The following OSBPL10 variants were observed in gnomAD, a reference collection of about 807,000 sequenced individuals.
OSBPL10 encodes oxysterol binding protein like 10, also known as oxysterol-binding protein-related protein 10.
OSBPL10 carries 49 observed loss-of-function variants against 81.7 expected under a neutral mutation model. That is an observed-to-expected ratio of 0.60 (90% CI 0.48 to 0.76). The LOEUF (loss-of-function observed/expected upper bound fraction) is 0.76, where lower values mean the gene tolerates loss of function less well. Ranked by LOEUF, OSBPL10 falls within the 30% of genes least tolerant of loss-of-function variation. The pLI is 0.00. For missense variants in OSBPL10, 923 were observed against 987.8 expected, an observed-to-expected ratio of 0.93 and a Z score of 0.88; for synonymous variants, 419 against 383.6, an observed-to-expected ratio of 1.09 and a Z score of -1.08.
chr3:31,715,992 A>C (rs1696420303), intron 6 of OSBPL10, among the ~76,000 whole-genome samples: 1 of 152,174 alleles, frequency 6.6e-6, no homozygotes, highest in African/African-American at 2.4e-5. Context: ...ACTCTACGGC[A>C]GGGACAGCAG....
chr3:31,760,842 C>T (rs1575527023), intron 4 of OSBPL10, among the ~76,000 whole-genome samples: 1 of 152,134 alleles, frequency 6.6e-6, no homozygotes. Context: ...TCCCTATGGC[C>T]GAACATTACG....
intron 6 of OSBPL10, among the ~76,000 whole-genome samples, chr3:31,724,326 C>T (rs1474582794): frequency 6.6e-6 from 1 of 152,108 alleles, no homozygotes; most frequent in Non-Finnish European, 1.5e-5. Flanking sequence ...TCCAAGGTGG[C>T]TACCTCCCCA....
intron 2 of OSBPL10, among the ~76,000 whole-genome samples, chr3:32,036,402 G>A (rs1462661084): frequency 6.6e-6 from 1 of 152,072 alleles, no homozygotes; most frequent in Non-Finnish European, 1.5e-5. Flanking sequence ...CATTCCAATT[G>A]CCACTGCCCA....
intron 2 of OSBPL10, among the ~76,000 whole-genome samples, chr3:32,010,731 T>A (rs1313380154): frequency 2.6e-5 from 4 of 152,198 alleles, no homozygotes; most frequent in Non-Finnish European, 5.9e-5. Flanking sequence ...GAAAATCAGG[T>A]CACTCCCACC....
chr3:31,767,870 G>C (rs1011874774), intron 4 of OSBPL10, among the ~76,000 whole-genome samples: 21 of 152,312 alleles, frequency 1.4e-4, no homozygotes, highest in African/African-American at 5.1e-4. Context: ...TTCAGCCTGG[G>C]AGGTCACATG....
chr3:32,042,561 C>A (rs927488017), intron 2 of OSBPL10, among the ~76,000 whole-genome samples: 2 of 151,890 alleles, frequency 1.3e-5, no homozygotes, highest in Admixed American at 6.6e-5. Context: ...GGGGAACCTG[C>A]CCCCAATATT....
chr3:31,888,920 T>A (rs192930928), intron 1 of OSBPL10, among the ~76,000 whole-genome samples: 1 of 152,146 alleles, frequency 6.6e-6, no homozygotes, highest in East Asian at 1.9e-4. Context: ...TGAGACTCCA[T>A]CTCAGGAAAA....
chr3:31,673,509 C>T lies in OSBPL10; in HGVS notation c.1727-2526G>A, dbSNP rs141021998. Among the ~76,000 whole-genome samples the T allele has an allele frequency of 5.4e-3, 818 of 152,302 alleles. 7 individuals are homozygous for T. The highest frequency in any genetic ancestry group is 0.019 in the African/African-American group (785 of 41,558). ...TCCTTGGGTGCCAGCTGTATCCCCA[C>T]AGACTTGGAGACTGTGGCAGCTGAG... On this transcript the variant is annotated intron_variant, in intron 8 of 11. Transcript: ENST00000396556.
Position 31,797,229 on chromosome 3 carries a change from G to A in OSBPL10, c.729+32811C>T, listed in dbSNP as rs139320966. On this transcript the variant is annotated intron_variant, in intron 4 of 11. Coordinates refer to ENST00000396556, the MANE Select transcript of OSBPL10 (RefSeq NM_017784.5). ...AGGATGGTCTCGATCTCCTGACCTCGTGATCCGGCCTCTTCGGCCTCCCGA... is the reference window on the plus strand; with the variant it reads ...AGGATGGTCTCGATCTCCTGACCTCATGATCCGGCCTCTTCGGCCTCCCGA... Among the ~76,000 whole-genome samples the A allele has an allele frequency of 5.3e-4, 80 of 152,150 alleles. 2 individuals carry two copies. In the East Asian group the frequency reaches 0.01, roughly 20 times the overall value.
In OSBPL10 at chr3:31,702,431, G is replaced by C. The variant is rs138576814; in HGVS notation, c.1173C>G (p.Gly391=). 3.1e-6 allele frequency: 5 copies of C among 1,613,944 alleles called. No homozygotes were observed. In the African/African-American group the frequency reaches 5.3e-5, roughly 17 times the overall value. ...TTATACTACGCTGATCCTCCATGAC[G>C]CCCAATTCCGTCTCTTCCTTATCTT... ...DNEDKEETEL[G]VMEDQRSIIL... is the part of the protein sequence containing the mutation. Residue 391 remains glycine (G), a synonymous_variant, in exon 7 of 12, where the codon GGC becomes GGG. Coordinates refer to ENST00000396556, the MANE Select transcript of OSBPL10 (RefSeq NM_017784.5).
chr3:31,662,558 A>T (rs1352103138), intron 11 of OSBPL10: 6 of 918,098 alleles, frequency 6.5e-6, no homozygotes, highest in Non-Finnish European at 7.8e-6. Context: ...ACAAATCAGC[A>T]CACACAAGAA....
At chr3:31,708,594 A>T (rs1696147384) in intron 6 of OSBPL10, 15 of 477,158 alleles carry the variant, frequency 3.1e-5, no homozygotes, top group Non-Finnish European at 3.8e-5. Flanking sequence ...AACTCATATC[A>T]CATGACTACC....
At chr3:31,938,782 A>G (rs1697454590) in intron 1 of OSBPL10, among the ~76,000 whole-genome samples, 1 of 152,102 alleles carries the variant, frequency 6.6e-6, no homozygotes, top group African/African-American at 2.4e-5. Context: ...GTGTGAGCCA[A>G]CATGCCTGGC....
chr3:31,743,473 A>G lies in OSBPL10; in HGVS notation c.940+4437T>C, dbSNP rs142769899. Among the ~76,000 whole-genome samples the G allele has an allele frequency of 7.3e-3, 1,119 of 152,354 alleles. 14 individuals carry two copies. The highest frequency in any genetic ancestry group is 0.026 in the African/African-American group (1,070 of 41,594). ...GCCCAAATGTATAGATGGGAGGCAGATGAATACTGAAGTATTCTCAGATTT... is the reference window on the plus strand; with the variant it reads ...GCCCAAATGTATAGATGGGAGGCAGGTGAATACTGAAGTATTCTCAGATTT... On this transcript the variant is annotated intron_variant, in intron 5 of 11. Coordinates refer to ENST00000396556, the MANE Select transcript of OSBPL10 (RefSeq NM_017784.5).
intron 1 of OSBPL10, among the ~76,000 whole-genome samples, chr3:31,892,262 GAAGGA>G (rs1022028512): frequency 5.3e-5 from 8 of 152,128 alleles, no homozygotes; most frequent in Admixed American, 2.0e-4. Context: ...GGAGCAAAGA[GAAGGA>G]AAGAATGTGT....
chr3:31,947,535 C>T (rs1420979738), intron 1 of OSBPL10, among the ~76,000 whole-genome samples: 2 of 152,222 alleles, frequency 1.3e-5, no homozygotes, highest in Non-Finnish European at 2.9e-5. Context: ...CTCTTGGCCT[C>T]TGCATATGCC....
intron 3 of OSBPL10, among the ~76,000 whole-genome samples, chr3:31,844,064 G>A (rs1221675143): frequency 1.3e-5 from 2 of 152,178 alleles, no homozygotes; most frequent in Non-Finnish European, 2.9e-5. Context: ...ATGATAAGAT[G>A]GCTGAGATTC....
At chr3:31,757,563 T>A (rs979419170) in intron 4 of OSBPL10, among the ~76,000 whole-genome samples, 3 of 152,248 alleles carry the variant, frequency 2.0e-5, no homozygotes, top group African/African-American at 2.4e-5. Context: ...ACTTTGTCTG[T>A]GGTACTTTGT....
At chr3:31,837,844 A>C (rs1431858736) in intron 3 of OSBPL10, among the ~76,000 whole-genome samples, 1 of 151,968 alleles carries the variant, frequency 6.6e-6, no homozygotes, top group African/African-American at 2.4e-5. Context: ...TATAGAGGAA[A>C]AAAAAAAATT....
Sources: allele counts gnomAD v4.1 joint callset (sites outside exome capture counted in the v4.1 genomes callset), GRCh38; gene constraint gnomAD v4.1.1; transcripts MANE v1.5; gene names NCBI Gene and HGNC (gene_info 2026-07-23, HGNC 2026-07-21).